The following RBM27 variants were observed in gnomAD, a reference collection of about 807,000 sequenced individuals.
The protein encoded by RBM27 is RNA binding motif protein 27.
In RBM27, 22 loss-of-function variants were observed where a neutral mutation model predicts 135.3. The ratio of observed to expected loss-of-function variants is 0.16; its 90% CI spans 0.12 to 0.23. The LOEUF (loss-of-function observed/expected upper bound fraction) is 0.23. Among genes scored for constraint, RBM27 ranks in the 10% least tolerant of loss-of-function variants. The pLI, the probability that RBM27 is intolerant of heterozygous loss-of-function variation, is 1.00. For missense variants in RBM27, 1,009 were observed against 1,281.0 expected, an observed-to-expected ratio of 0.79 and a Z score of 3.24; for synonymous variants, 481 against 442.4, an observed-to-expected ratio of 1.09 and a Z score of -1.10.
At chr5:146,243,875 T>C (rs543057377) in intron 8 of RBM27, among the ~76,000 whole-genome samples, 2 of 152,148 alleles carry the variant, frequency 1.3e-5, no homozygotes, top group Non-Finnish European at 2.9e-5. Flanking sequence ...TCTGGATTTT[T>C]CAAGGTAGGA....
chr5:146,245,714 G>A (rs1291699294), intron 8 of RBM27, among the ~76,000 whole-genome samples: 4 of 152,162 alleles, frequency 2.6e-5, no homozygotes, highest in Middle Eastern at 3.4e-3. Context: ...CCCGGGTCAC[G>A]GTGGCACTAA....
chr5:146,283,509 G>C (rs1464274023), intron 19 of RBM27, among the ~76,000 whole-genome samples: 1 of 151,864 alleles, frequency 6.6e-6, no homozygotes, highest in East Asian at 1.9e-4. Context: ...GCACATTCCA[G>C]CCTGGGAATC....
rs1759626592 is a variant in RBM27 at position 146,287,385 on chromosome 5, G to A, written c.*1355G>A. 1 of 152,150 alleles carries A rather than the reference G, an allele frequency of 6.6e-6. No individual in the cohort carries two copies. The highest frequency in any genetic ancestry group is 1.5e-5 in the Non-Finnish European group (1 of 68,040). 9.4% of individuals were successfully genotyped at this position (152,150 alleles called of 1,614,324 possible). On this transcript the variant is annotated 3_prime_UTR_variant, in exon 21 of 21. Coordinates refer to ENST00000265271, the MANE Select transcript of RBM27 (RefSeq NM_018989.2). ...GTTCTGAATGTTAGATGGAAAAGCA[G>A]AGGAGCAACACTACACTGTACTGAC...
chr5:146,251,658 A>C, intron 8 of RBM27, 53 bp from the exon 9 acceptor site: 8 of 1,505,468 alleles, frequency 5.3e-6, no homozygotes, highest in Non-Finnish European at 6.4e-6. Flanking sequence ...TCATCACCTA[A>C]GAGAAGCTTG....
intron 9 of RBM27, 98 bp from the exon 10 acceptor site, chr5:146,254,845 A>T: frequency 9.1e-7 from 1 of 1,100,078 alleles, no homozygotes; most frequent in South Asian, 1.7e-5. Flanking sequence ...TTGTTGGAGA[A>T]TATATGTTTT....
chr5:146,228,574 G>T (rs1052787962), intron 3 of RBM27, among the ~76,000 whole-genome samples: 2 of 151,608 alleles, frequency 1.3e-5, no homozygotes, highest in East Asian at 3.9e-4. Flanking sequence ...GAATCACTGC[G>T]CCCGGCCGAG....
chr5:146,272,666 GA>G (rs1199015095), intron 19 of RBM27, among the ~76,000 whole-genome samples: 1 of 151,306 alleles, frequency 6.6e-6, no homozygotes, highest in East Asian at 1.9e-4. Context: ...AGGTTGCAGT[GA>G]GCTGAGATAG....
intron 7 of RBM27, among the ~76,000 whole-genome samples, 153 bp from the exon 8 acceptor site, chr5:146,237,145 G>A (rs1435864263): frequency 6.6e-6 from 1 of 152,048 alleles, no homozygotes; most frequent in East Asian, 1.9e-4. Context: ...CTCCATGTTG[G>A]TCAGGCTGGT....
chr5:146,215,054 T>C (rs1463462875), intron 1 of RBM27, among the ~76,000 whole-genome samples: 1 of 152,190 alleles, frequency 6.6e-6, no homozygotes, highest in Non-Finnish European at 1.5e-5. Flanking sequence ...TCTGGGTTTC[T>C]TTTCTTTTTT....
intron 8 of RBM27, among the ~76,000 whole-genome samples, chr5:146,247,757 C>G (rs576786546): frequency 3.9e-5 from 6 of 152,124 alleles, no homozygotes; most frequent in Non-Finnish European, 7.4e-5. Flanking sequence ...ACTTCCTACA[C>G]AGTACATTAT....
chr5:146,208,143 G>A (rs1366951595), intron 1 of RBM27, among the ~76,000 whole-genome samples: 1 of 151,646 alleles, frequency 6.6e-6, no homozygotes, highest in African/African-American at 2.4e-5. Flanking sequence ...TTTTAGTAGA[G>A]ATGGAGTTTC....
In RBM27 at chr5:146,284,612, T is replaced by C. The variant is rs747961237; in HGVS notation, c.2989-10T>C. 1.9e-6 allele frequency: 3 copies of C among 1,559,312 alleles called. No individual in the cohort carries two copies. The highest frequency in any genetic ancestry group is 1.7e-5 in the Admixed American group (1 of 57,986). On this transcript the variant is annotated splice_polypyrimidine_tract_variant and intron_variant, in intron 19 of 20. Transcript: ENST00000265271. ...TGCAAACTTGTATGTTCTTCTAATA[T>C]ATATTTTAGACCGCAAACCAAGGGC...
chr5:146,257,586 T>C (rs951703859), intron 10 of RBM27, among the ~76,000 whole-genome samples: 2 of 152,208 alleles, frequency 1.3e-5, no homozygotes, highest in Non-Finnish European at 2.9e-5. Context: ...TTGGTAGACA[T>C]TGTGAAACTT....
intron 19 of RBM27, among the ~76,000 whole-genome samples, chr5:146,274,214 A>G (rs536090645): frequency 4.7e-4 from 68 of 145,768 alleles, no homozygotes; most frequent in African/African-American, 1.7e-3. Flanking sequence ...CCTGAGGAAC[A>G]CATACTCCTT....
rs10039927 is a variant in RBM27, at chr5:146,247,739, C to T, written c.1280-3972C>T. Among the ~76,000 whole-genome samples, 556 of 152,058 alleles carry T rather than the reference C, an allele frequency of 3.7e-3. 2 individuals carry two copies. Among genetic ancestry groups the T allele is most frequent in the African/African-American group, 0.013 (537 of 41,486 alleles). On this transcript the variant is annotated intron_variant, in intron 8 of 20. Coordinates refer to ENST00000265271, the MANE Select transcript of RBM27 (RefSeq NM_018989.2). The stretch of plus-strand genomic sequence containing the variant: ...TTTGGCAAGAACATTTTATAGATGG[C>T]GTTATGTACTTCCTACACAGTACAT...
chr5:146,262,158 C>A (rs1474387133), intron 13 of RBM27, among the ~76,000 whole-genome samples: 1 of 152,182 alleles, frequency 6.6e-6, no homozygotes, highest in African/African-American at 2.4e-5. Context: ...GCTTCTCAAA[C>A]CTCTGTAGAG....
chr5:146,209,900 T>C (rs1428830414), intron 1 of RBM27, among the ~76,000 whole-genome samples: 2 of 152,222 alleles, frequency 1.3e-5, no homozygotes. Flanking sequence ...TTTGTTCTTA[T>C]GTCCTTTGGT....
At chr5:146,281,271 T>C (rs1759341915) in intron 19 of RBM27, among the ~76,000 whole-genome samples, 1 of 152,244 alleles carries the variant, frequency 6.6e-6, no homozygotes, top group Non-Finnish European at 1.5e-5. Flanking sequence ...GGCTGTGATA[T>C]GCCTTACAAA....
intron 2 of RBM27, among the ~76,000 whole-genome samples, chr5:146,220,869 G>C (rs1756430358): frequency 6.6e-6 from 1 of 152,114 alleles, no homozygotes; most frequent in African/African-American, 2.4e-5. Context: ...AAACATATTT[G>C]GGGTAAAAGG....
Sources: allele counts gnomAD v4.1 joint callset (sites outside exome capture counted in the v4.1 genomes callset), GRCh38; gene constraint gnomAD v4.1.1; transcripts MANE v1.5; gene names NCBI Gene and HGNC (gene_info 2026-07-23, HGNC 2026-07-21).